ESYT1: variants seen among roughly 807,000 people sequenced by gnomAD.
The protein encoded by ESYT1 is extended synaptotagmin-1.
In ESYT1, 116 loss-of-function variants were observed where a neutral mutation model predicts 154.2. The ratio of observed to expected loss-of-function variants is 0.75; its 90% CI spans 0.65 to 0.88. ESYT1 has a LOEUF of 0.88. ESYT1 is among the 40% of genes least tolerant of loss of function. The pLI is 0.00. For synonymous variants in ESYT1, 500 were observed against 539.9 expected, an observed-to-expected ratio of 0.93 and a Z score of 1.02; for missense variants, 1,264 against 1,379.3, an observed-to-expected ratio of 0.92 and a Z score of 1.32.
chr12:56,134,083 G>A (rs1305525091), intron 13 of ESYT1, 27 bp from the exon 14 acceptor site: 1 of 1,613,574 alleles, frequency 6.2e-7, no homozygotes. Flanking sequence ...CCCCAAGATG[G>A]TGACCTCTGA....
chr12:56,143,612 C>G lies in ESYT1; in HGVS notation c.3258C>G (p.Ser1086=). 1 of 1,614,112 alleles carries G rather than the reference C, an allele frequency of 6.2e-7. No individual in the cohort carries two copies. Among genetic ancestry groups the G allele is most frequent in the Non-Finnish European group, 8.5e-7 (1 of 1,180,014 alleles). The change falls in exon 30 of 31, where the codon TCC becomes TCG. Residue 1086 remains serine, a synonymous_variant. Coordinates refer to ENST00000394048, the MANE Select transcript of ESYT1 (RefSeq NM_015292.3). ...VQLDLAETDL[S]QGVARWYDLM... ...TGGACCTAGCTGAGACAGACCTTTC[C>G]CAGGGTGTAGCCCGGTGGTGAGTGT...
chr12:56,128,791 A>G, intron 1 of ESYT1, 82 bp downstream of exon 1: 1 of 1,547,788 alleles, frequency 6.5e-7, no homozygotes, highest in Non-Finnish European at 8.8e-7. Context: ...TTATGCCTAG[A>G]GTCAGCTCCC....
Position 56,138,757 on chromosome 12 carries a change from T to C in ESYT1, c.2434-11T>C. On this transcript the variant is annotated splice_polypyrimidine_tract_variant and intron_variant, in intron 22 of 30. Transcript: ENST00000394048. ...TCCAAATTTAAGACTAACACAGTAT[T>C]GTCTTTCTAGCTGCGAAAAGGCACC... The C allele has an allele frequency of 1.2e-6, 2 of 1,613,210 alleles. No homozygotes were observed. Among genetic ancestry groups the C allele is most frequent in the Non-Finnish European group, 1.7e-6 (2 of 1,179,150 alleles).
intron 15 of ESYT1, among the ~76,000 whole-genome samples, 172 bp downstream of exon 15, chr12:56,134,600 TA>T (rs1373060984): frequency 6.0e-5 from 9 of 150,844 alleles, no homozygotes; most frequent in African/African-American, 2.0e-4. Flanking sequence ...TCCAGAATAA[TA>T]TTTTTTTTTT....
rs764662178 is a variant in ESYT1 at position 56,137,922 on chromosome 12, C to A, written c.2198+8C>A. On this transcript the variant is annotated splice_region_variant and intron_variant, in intron 19 of 30. Coordinates refer to ENST00000394048, the MANE Select transcript of ESYT1 (RefSeq NM_015292.3). ...GGATGATTTTCTGGGCAGGTGAGAG[C>A]ATAGGAGTCTACGTGAAAAACAGGC... 1 of 1,614,150 alleles carries A rather than the reference C, an allele frequency of 6.2e-7. No individual in the cohort carries two copies.
At position 56,130,841 on chromosome 12, in the gene ESYT1, G is replaced by A; in HGVS notation, c.483G>A (p.Leu161=). The change falls in exon 3 of 31, where the codon CTG becomes CTA. Residue 161 remains leucine (L), a synonymous_variant. Coordinates refer to ENST00000394048, the MANE Select transcript of ESYT1 (RefSeq NM_015292.3). ...TGGGCCAGTATATGGAGAAGCTTCTGGCTGAAACTGTGGCTCCGGCTGTTA... is the reference window on the plus strand; with the variant it reads ...TGGGCCAGTATATGGAGAAGCTTCTAGCTGAAACTGTGGCTCCGGCTGTTA... The part of the protein sequence containing the change: ...PFLGQYMEKL[L]AETVAPAVRG... 1.2e-6 allele frequency: 2 copies of A among 1,614,158 alleles called. No individual in the cohort carries two copies. Among genetic ancestry groups the A allele is most frequent in the Non-Finnish European group, 1.7e-6 (2 of 1,180,038 alleles).
chr12:56,129,596 C>T (rs897283542), intron 1 of ESYT1: 1 of 152,382 alleles, frequency 6.6e-6, no homozygotes, highest in African/African-American at 2.4e-5. Flanking sequence ...TTCCCAGGCC[C>T]TGGACTGGAA....
Position 56,130,925 on chromosome 12 carries a change from G to A in ESYT1, c.567G>A (p.Lys189=). ...FTFTRVELGE[K]PLRIIGVKVH... Reference sequence around the variant, plus strand: ...TTACACGAGTGGAACTGGGTGAAAAGGTATGTGTGGAGGAGGGAAAGTGAG... The same window carrying A: ...TTACACGAGTGGAACTGGGTGAAAAAGTATGTGTGGAGGAGGGAAAGTGAG... Residue 189 remains lysine (K), a splice_region_variant and synonymous_variant, in exon 3 of 31, where the codon AAG becomes AAA. Transcript: ENST00000394048. 6.2e-7 allele frequency: 1 copy of A among 1,614,230 alleles called. No individual in the cohort carries two copies. Among genetic ancestry groups the A allele is most frequent in the Non-Finnish European group, 8.5e-7 (1 of 1,180,044 alleles).
At chr12:56,140,032 A>G (rs1001042528) in intron 24 of ESYT1, among the ~76,000 whole-genome samples, 1 of 151,820 alleles carries the variant, frequency 6.6e-6, no homozygotes, top group Non-Finnish European at 1.5e-5. Flanking sequence ...ACACCTAGCT[A>G]ATTTTTGTAT....
Position 56,131,059 on chromosome 12 carries a change from T to G in ESYT1, c.587T>G (p.Val196Gly). Residue 196 changes from valine to glycine, a missense_variant, in exon 4 of 31, where the codon GTC becomes GGC. Val to Gly is a moderately radical substitution (Grantham distance 109, BLOSUM62 -3). Coordinates refer to ENST00000394048, the MANE Select transcript of ESYT1 (RefSeq NM_015292.3). Reference protein sequence around the residue: ...LGEKPLRIIGVKVHPGQRKEQ... With the variant: ...LGEKPLRIIGGKVHPGQRKEQ... Reference sequence around the variant, plus strand: ...CCCTAGCCATTGCGCATCATTGGAGTCAAGGTTCACCCAGGTCAGAGAAAA... The same window carrying G: ...CCCTAGCCATTGCGCATCATTGGAGGCAAGGTTCACCCAGGTCAGAGAAAA... 1 of 1,613,992 alleles carries G rather than the reference T, an allele frequency of 6.2e-7. No homozygotes were observed. Among genetic ancestry groups the G allele is most frequent in the Non-Finnish European group, 8.5e-7 (1 of 1,179,996 alleles).
rs540400610 is a variant in ESYT1, at chr12:56,144,225, CTTTT to C, written c.*367_*370del. 3.3e-5 allele frequency: 37 copies of C among 1,126,576 alleles called. No homozygotes were observed. Among genetic ancestry groups the C allele is most frequent in the Non-Finnish European group, 4.0e-5 (37 of 916,592 alleles). 69.8% of individuals were successfully genotyped at this position (1,126,576 alleles called of 1,614,324 possible). A position where few individuals can be genotyped will look rare whatever the true frequency, so the allele number is the denominator to read the frequency against. On this transcript the variant is annotated 3_prime_UTR_variant, in exon 31 of 31. Coordinates refer to ENST00000394048, the MANE Select transcript of ESYT1 (RefSeq NM_015292.3). ...ATGCCAAATACAGCTTTGGAAGGAT[CTTTT>C]TTTCTTTAACTAGATGGTCACCTTC... is the stretch of plus-strand genomic sequence containing the variant.
intron 1 of ESYT1, chr12:56,128,960 T>G (rs1870117981): frequency 3.8e-6 from 2 of 530,210 alleles, no homozygotes; most frequent in African/African-American, 3.8e-5. Flanking sequence ...TTCCTCTACT[T>G]GGGCAACAGC....
Position 56,144,079 on chromosome 12 carries a change from G to T in ESYT1, c.*217G>T, listed in dbSNP as rs976976881. The T allele has an allele frequency of 9.8e-6, 14 of 1,426,456 alleles. No homozygotes were observed. In the African/African-American group the frequency reaches 2.0e-4, roughly 21 times the overall value. The allele number at this position is 1,426,456 out of a possible 1,614,324, so 88.4% of individuals were successfully genotyped here. On this transcript the variant is annotated 3_prime_UTR_variant, in exon 31 of 31. Coordinates refer to ENST00000394048, the MANE Select transcript of ESYT1 (RefSeq NM_015292.3). ...GCCTTTATCCTTCTGGGCCCCTGGGGCGGGGACCTGAGCTGGCTGTTTCCT... is the reference window on the plus strand; with the variant it reads ...GCCTTTATCCTTCTGGGCCCCTGGGTCGGGGACCTGAGCTGGCTGTTTCCT...
At chr12:56,141,604 G>A (rs1050768989) in intron 24 of ESYT1, among the ~76,000 whole-genome samples, 1 of 152,182 alleles carries the variant, frequency 6.6e-6, no homozygotes, top group Non-Finnish European at 1.5e-5. Flanking sequence ...GCCGGGTGTG[G>A]TGGCGGACAC....
In ESYT1 at chr12:56,132,211, C is replaced by T. The variant is rs2136870785; in HGVS notation, c.863C>T (p.Ser288Leu). The change falls in exon 8 of 31, where the codon TCA becomes TTA. Residue 288 changes from serine (S) to leucine (L), a missense_variant and splice_region_variant. Ser to Leu is a moderately radical substitution (Grantham distance 145, BLOSUM62 -2). Transcript: ENST00000394048. ...CTCCTTTCTACTCCCCCATTCAGCT[C>T]ACTCTCTGACACCATGATCATGGAC... Reference protein sequence around the residue: ...TNLLDIPGLSSLSDTMIMDSI... With the variant: ...TNLLDIPGLSLLSDTMIMDSI... The T allele has an allele frequency of 2.5e-6, 4 of 1,614,146 alleles. No homozygotes were observed. In the East Asian group the frequency reaches 6.7e-5, roughly 27 times the overall value.
chr12:56,133,398 C>G lies in ESYT1; in HGVS notation c.1245-19C>G. On this transcript the variant is annotated intron_variant, in intron 10 of 30. Transcript: ENST00000394048. ...ACCCTTTTCTTCCTTTCACTACCCT[C>G]TCCCCCGCCAACCCTCAGAATGAAG... The G allele has an allele frequency of 3.1e-6, 5 of 1,614,178 alleles. No homozygotes were observed. Among genetic ancestry groups the G allele is most frequent in the Middle Eastern group, 3.3e-4 (2 of 6,062 alleles).
intron 29 of ESYT1, 103 bp from the exon 30 acceptor site, chr12:56,143,477 A>C: frequency 1.3e-6 from 2 of 1,543,424 alleles, no homozygotes; most frequent in Non-Finnish European, 1.8e-6. Flanking sequence ...TATGTGATGA[A>C]GGAACATGGT....
In ESYT1 at chr12:56,132,560, A is replaced by C; in HGVS notation, c.1124A>C (p.Asp375Ala). 5.6e-6 allele frequency: 9 copies of C among 1,614,194 alleles called. No homozygotes were observed. The highest frequency in any genetic ancestry group is 7.6e-6 in the Non-Finnish European group (9 of 1,180,030). The stretch of plus-strand genomic sequence containing the variant: ...CAGACATTCTGCAGTCGTGTCATTG[A>C]TGAAGAACTCAACCCACAGTGGGGA... ...GTQTFCSRVI[D>A]EELNPQWGET... Residue 375 changes from aspartate (D) to alanine (A), a missense_variant, in exon 9 of 31, where the codon GAT (aspartate) becomes GCT (alanine). By Grantham distance (126) the Asp-to-Ala change is moderately radical. Coordinates refer to ENST00000394048, the MANE Select transcript of ESYT1 (RefSeq NM_015292.3).
chr12:56,139,584 T>G (rs892813511), intron 24 of ESYT1, among the ~76,000 whole-genome samples: 1 of 146,482 alleles, frequency 6.8e-6, no homozygotes, highest in Non-Finnish European at 1.5e-5. Context: ...CCCCTGAGCT[T>G]GAGGGTAGAT....
Sources: gnomAD v4.1 joint callset for allele counts (sites outside exome capture counted in the v4.1 genomes callset) on GRCh38, gnomAD v4.1.1 for gene constraint, MANE v1.5 for transcripts, NCBI Gene and HGNC (gene_info 2026-07-23, HGNC 2026-07-21) for gene names.